CRACR2A: variants seen among roughly 807,000 people sequenced by gnomAD.
The protein encoded by CRACR2A is EF-hand calcium-binding domain-containing protein 4B.
A neutral mutation model predicts 90.5 loss-of-function variants in CRACR2A; 79 were observed. The ratio of observed to expected loss-of-function variants is 0.87; its 90% CI spans 0.73 to 1.05. The LOEUF (loss-of-function observed/expected upper bound fraction) is 1.05, where lower values mean the gene tolerates loss of function less well. CRACR2A is among the 50% of genes least tolerant of loss of function. The pLI, the probability that CRACR2A is intolerant of heterozygous loss-of-function variation, is 0.00. For synonymous variants in CRACR2A, 338 were observed against 356.7 expected (o/e 0.95, Z 0.59); for missense variants, 823 against 897.2 (o/e 0.92, Z 1.06).
At position 3,724,639 on chromosome 12, in the gene CRACR2A, T is replaced by C. The variant is rs558610958; in HGVS notation, c.-118+8303A>G. ...GCAGGTAGGACTGACTTCTAAGACATTGGCAGGGCCATCCAATGATGTCAG... is the reference window on the plus strand; with the variant it reads ...GCAGGTAGGACTGACTTCTAAGACACTGGCAGGGCCATCCAATGATGTCAG... On this transcript the variant is annotated intron_variant, in intron 2 of 19. Coordinates refer to ENST00000440314, the MANE Select transcript of CRACR2A (RefSeq NM_001144958.2). Among the ~76,000 whole-genome samples, 123 of 152,306 alleles carry C rather than the reference T, an allele frequency of 8.1e-4. 1 individual carries two copies. The highest frequency in any genetic ancestry group is 2.8e-3 in the African/African-American group (115 of 41,552).
chr12:3,625,069 G>A (rs1253993056), intron 17 of CRACR2A, among the ~76,000 whole-genome samples: 1 of 151,822 alleles, frequency 6.6e-6, no homozygotes, highest in East Asian at 1.9e-4. Flanking sequence ...GAGCTTAAAT[G>A]TACCTTTGGC....
intron 10 of CRACR2A, among the ~76,000 whole-genome samples, chr12:3,653,872 C>T (rs556803186): frequency 3.0e-4 from 46 of 152,106 alleles, no homozygotes; most frequent in South Asian, 2.1e-4. Flanking sequence ...AAAACAAGTT[C>T]TGGTAAGTAC....
chr12:3,743,094 A>G (rs759607791), intron 1 of CRACR2A, among the ~76,000 whole-genome samples: 5 of 152,246 alleles, frequency 3.3e-5, no homozygotes, highest in Non-Finnish European at 7.3e-5. Context: ...TGTGTGTTAC[A>G]ATCTAACTGC....
chr12:3,637,104 TC>T (rs1467612904), intron 14 of CRACR2A, among the ~76,000 whole-genome samples: 1 of 152,180 alleles, frequency 6.6e-6, no homozygotes, highest in Non-Finnish European at 1.5e-5. Flanking sequence ...TCATATGGTC[TC>T]CCTTTTCCTA....
intron 9 of CRACR2A, among the ~76,000 whole-genome samples, chr12:3,655,021 G>C (rs1362876963): frequency 6.6e-6 from 1 of 152,156 alleles, no homozygotes; most frequent in African/African-American, 2.4e-5. Flanking sequence ...TATAGCTTCA[G>C]CTTTTCTTGG....
chr12:3,731,885 C>G (rs1227576325), intron 2 of CRACR2A: 1 of 152,450 alleles, frequency 6.6e-6, no homozygotes, highest in Non-Finnish European at 1.5e-5. Flanking sequence ...GCCGGCAAAT[C>G]GTCAGAAGCC....
intron 7 of CRACR2A, among the ~76,000 whole-genome samples, chr12:3,665,521 A>T (rs1945117474): frequency 6.6e-6 from 1 of 152,264 alleles, no homozygotes; most frequent in African/African-American, 2.4e-5. Context: ...AAGATAATGC[A>T]TGTGGAAGTG....
At chr12:3,650,048 G>A (rs12425092) in intron 10 of CRACR2A, among the ~76,000 whole-genome samples, 34,531 of 152,058 alleles carry the variant, frequency 0.23, 4,784 homozygotes, top group East Asian at 0.44. Context: ...ATCACCCTCC[G>A]ATCTTACTAC....
chr12:3,653,003 C>T (rs946129628), intron 10 of CRACR2A, among the ~76,000 whole-genome samples: 5 of 151,258 alleles, frequency 3.3e-5, no homozygotes, highest in African/African-American at 9.7e-5. Flanking sequence ...TTTTTTGAGA[C>T]GGGGAGTCTC....
chr12:3,654,301 C>T lies in CRACR2A; in HGVS notation c.957G>A (p.Leu319=), dbSNP rs1329005225. ...KLTNQELARE[L]ERTSWELQDA... ...CCTGGAGCTCCCAGGAAGTCCGCTC[C>T]AGCTCCCGGGCCAGCTCCTGGTTAG... is the stretch of plus-strand genomic sequence containing the variant. The change falls in exon 10 of 20, where the codon CTG becomes CTA. Residue 319 remains leucine (L), a synonymous_variant. Coordinates refer to ENST00000440314, the MANE Select transcript of CRACR2A (RefSeq NM_001144958.2). 1 of 1,613,940 alleles carries T rather than the reference C, an allele frequency of 6.2e-7. No homozygotes were observed. The highest frequency in any genetic ancestry group is 1.7e-4 in the Middle Eastern group (1 of 6,052).
chr12:3,618,876 C>T (rs1401985395), intron 18 of CRACR2A, among the ~76,000 whole-genome samples: 1 of 152,188 alleles, frequency 6.6e-6, no homozygotes, highest in Non-Finnish European at 1.5e-5. Context: ...CTCTCTAACA[C>T]AGTGGTCTGC....
intron 1 of CRACR2A, among the ~76,000 whole-genome samples, chr12:3,734,288 T>C (rs1488183628): frequency 2.0e-5 from 3 of 152,120 alleles, no homozygotes; most frequent in Admixed American, 6.6e-5. Context: ...GTATTTTCAA[T>C]AAATTCTGCA....
rs936864110 is a variant in CRACR2A, at chr12:3,640,909, T to C, written c.1271+823A>G. 7.7e-6 allele frequency: 8 copies of C among 1,038,770 alleles called. No homozygotes were observed. In the South Asian group the frequency reaches 1.1e-4, roughly 14 times the overall value. 64.3% of individuals were successfully genotyped at this position (1,038,770 alleles called of 1,614,324 possible). ...TGCCCAAGAGCAACAAAATGTGTTA[T>C]GTTTGAGTTAATTAAATATAGGTCA... On this transcript the variant is annotated intron_variant, in intron 13 of 19. Transcript: ENST00000440314.
intron 11 of CRACR2A, among the ~76,000 whole-genome samples, chr12:3,647,329 C>A (rs114188802): frequency 6.6e-6 from 1 of 151,974 alleles, no homozygotes; most frequent in Non-Finnish European, 1.5e-5. Context: ...AACCCTGGAT[C>A]GATGGCACAG....
intron 15 of CRACR2A, among the ~76,000 whole-genome samples, chr12:3,632,068 G>T (rs1944385745): frequency 6.6e-6 from 1 of 152,148 alleles, no homozygotes; most frequent in South Asian, 2.1e-4. Flanking sequence ...GATCCTTCAT[G>T]AATGGTTTAG....
At chr12:3,715,948 GGATGCCT>G (rs1946076417) in intron 2 of CRACR2A, among the ~76,000 whole-genome samples, 1 of 152,158 alleles carries the variant, frequency 6.6e-6, no homozygotes, top group African/African-American at 2.4e-5. Flanking sequence ...ACTGTACAGT[GGATGCCT>G]GATGATTTCC....
At chr12:3,736,340 T>G (rs903924092) in intron 1 of CRACR2A, among the ~76,000 whole-genome samples, 1 of 151,280 alleles carries the variant, frequency 6.6e-6, no homozygotes, top group African/African-American at 2.4e-5. Flanking sequence ...ACATCTAGCT[T>G]CAGAGGTTAG....
In CRACR2A at chr12:3,687,328, G is replaced by C. The variant is rs539711457; in HGVS notation, c.229-6979C>G. On this transcript the variant is annotated intron_variant, in intron 4 of 19. Coordinates refer to ENST00000440314, the MANE Select transcript of CRACR2A (RefSeq NM_001144958.2). The stretch of plus-strand genomic sequence containing the variant: ...CTAGTACCCATTAGTTATTTTTCCG[G>C]ATCCTCTCCCTTCTTCCATCCTCCA... 2.5e-4 allele frequency among the ~76,000 whole-genome samples: 38 copies of C among 151,852 alleles called. 1 individual carries two copies. The South Asian group carries it at 7.7e-3, about 31-fold the overall frequency.
At chr12:3,745,788 A>ATAAAATAAC (rs1356770696) in intron 1 of CRACR2A, among the ~76,000 whole-genome samples, 1 of 7,390 alleles carries the variant, frequency 1.4e-4, no homozygotes, top group Non-Finnish European at 3.1e-4. Context: ...CAAAAAATAA[A>ATAAAATAAC]ATAAAATAAA....
Sources: allele counts gnomAD v4.1 joint callset (sites outside exome capture counted in the v4.1 genomes callset), GRCh38; gene constraint gnomAD v4.1.1; transcripts MANE v1.5; gene names NCBI Gene and HGNC (gene_info 2026-07-23, HGNC 2026-07-21).